Variants in CCDC91 observed in about 807,000 individuals in gnomAD.
CCDC91 encodes the protein coiled-coil domain containing 91, also known as coiled-coil domain-containing protein 91.
A neutral mutation model predicts 63.2 loss-of-function variants in CCDC91; 48 were observed. The observed-to-expected ratio is 0.76, with a 90% CI of 0.60 to 0.97. The LOEUF is 0.97. Ranked by LOEUF, CCDC91 falls within the 50% of genes least tolerant of loss-of-function variation. CCDC91 has a pLI of 0.00. For synonymous variants in CCDC91, 167 were observed against 165.8 expected (o/e 1.01, Z -0.06); for missense variants, 500 against 494.6 (o/e 1.01, Z -0.10).
rs1048088290 is a variant in CCDC91 at position 28,255,709 on chromosome 12, A to G, written c.-14-1493A>G. ...ATGATTATATTCTGGTTAATTTAAT[A>G]CCTTTCCTTTTTACAATATGTTTCT... is the stretch of plus-strand genomic sequence containing the variant. On this transcript the variant is annotated intron_variant, in intron 1 of 12. Coordinates refer to ENST00000536442, the MANE Select transcript of CCDC91 (RefSeq NM_018318.5). 1.9e-4 allele frequency: 29 copies of G among 152,226 alleles called. 1 individual carries two copies. Among genetic ancestry groups the G allele is most frequent in the African/African-American group, 7.0e-4 (29 of 41,556 alleles). 9.4% of individuals were successfully genotyped at this position (152,226 alleles called of 1,614,324 possible). A position where few individuals can be genotyped will look rare whatever the true frequency, so the allele number is the denominator to read the frequency against.
intron 1 of CCDC91, among the ~76,000 whole-genome samples, chr12:28,201,941 T>A (rs1307448646): frequency 6.7e-6 from 1 of 150,088 alleles, no homozygotes; most frequent in Non-Finnish European, 1.5e-5. Flanking sequence ...GGCAGGAGAA[T>A]CAGGCAGGGA....
intron 1 of CCDC91, among the ~76,000 whole-genome samples, chr12:28,222,804 G>A (rs1330034805): frequency 1.3e-5 from 2 of 152,064 alleles, no homozygotes; most frequent in African/African-American, 2.4e-5. Context: ...CGTTGTGTTG[G>A]AACTATATAA....
At chr12:28,222,012 AT>A (rs1943983998) in intron 1 of CCDC91, among the ~76,000 whole-genome samples, 1 of 152,174 alleles carries the variant, frequency 6.6e-6, no homozygotes, top group Non-Finnish European at 1.5e-5. Flanking sequence ...TTTGGGAGTT[AT>A]AACTTTGTTT....
chr12:28,205,369 G>A (rs539717724), intron 1 of CCDC91, among the ~76,000 whole-genome samples: 1 of 152,098 alleles, frequency 6.6e-6, no homozygotes, highest in South Asian at 2.1e-4. Flanking sequence ...AAAATGACAG[G>A]TTATTCATAC....
intron 7 of CCDC91, among the ~76,000 whole-genome samples, chr12:28,373,844 G>C (rs1167149896): frequency 6.6e-6 from 1 of 152,090 alleles, no homozygotes; most frequent in African/African-American, 2.4e-5. Flanking sequence ...GTGATAGTGA[G>C]TGAGTTCTCA....
At chr12:28,321,869 T>G (rs1280438485) in intron 6 of CCDC91, among the ~76,000 whole-genome samples, 1 of 151,850 alleles carries the variant, frequency 6.6e-6, no homozygotes, top group Non-Finnish European at 1.5e-5. Flanking sequence ...GTGTATTGTA[T>G]CATTATATAT....
At chr12:28,340,009 T>C (rs1271822556) in intron 6 of CCDC91, among the ~76,000 whole-genome samples, 1 of 152,222 alleles carries the variant, frequency 6.6e-6, no homozygotes, top group Admixed American at 6.5e-5. Flanking sequence ...ATATTTTGTA[T>C]ATAGTACCAG....
intron 8 of CCDC91, among the ~76,000 whole-genome samples, chr12:28,394,390 T>C (rs999878639): frequency 1.2e-4 from 18 of 151,770 alleles, no homozygotes; most frequent in Non-Finnish European, 2.4e-4. Context: ...GGCGTGAACC[T>C]GGGAGGTGGA....
At chr12:28,346,675 G>A (rs557062120) in intron 6 of CCDC91, among the ~76,000 whole-genome samples, 1 of 152,254 alleles carries the variant, frequency 6.6e-6, no homozygotes, top group Admixed American at 6.5e-5. Context: ...ATGGGAAAAG[G>A]GCATGGAGCT....
chr12:28,418,640 A>G (rs1947821355), intron 8 of CCDC91, among the ~76,000 whole-genome samples: 1 of 152,138 alleles, frequency 6.6e-6, no homozygotes, highest in African/African-American at 2.4e-5. Context: ...GCAGATTAAT[A>G]CTGTAAAATA....
intron 11 of CCDC91, among the ~76,000 whole-genome samples, chr12:28,468,914 A>G (rs1302032363): frequency 1.3e-5 from 2 of 152,176 alleles, no homozygotes; most frequent in East Asian, 3.9e-4. Context: ...CCCTTAAAAA[A>G]CTGGGTATAG....
At chr12:28,546,651 A>G (rs1209466559) in intron 12 of CCDC91, among the ~76,000 whole-genome samples, 2 of 152,100 alleles carry the variant, frequency 1.3e-5, no homozygotes, top group Non-Finnish European at 2.9e-5. Context: ...ATTATGAACA[A>G]TCTTAATGTC....
intron 1 of CCDC91, among the ~76,000 whole-genome samples, chr12:28,246,383 C>T (rs148923457): frequency 1.3e-5 from 2 of 152,192 alleles, no homozygotes; most frequent in East Asian, 3.9e-4. Flanking sequence ...ACACTTTTCT[C>T]TATTATTTGT....
intron 6 of CCDC91, among the ~76,000 whole-genome samples, chr12:28,314,103 G>A (rs185548881): frequency 8.6e-5 from 13 of 151,934 alleles, no homozygotes; most frequent in Admixed American, 7.9e-4. Flanking sequence ...TTAAAGACTG[G>A]ACTTAATTCT....
intron 1 of CCDC91, among the ~76,000 whole-genome samples, chr12:28,205,352 G>GT (rs879260314): frequency 2.0e-5 from 3 of 151,502 alleles, no homozygotes; most frequent in Admixed American, 2.0e-4. Flanking sequence ...AAGTACAGAG[G>GT]TAAAAAAAAA....
chr12:28,199,496 A>G (rs2121407231), intron 1 of CCDC91, among the ~76,000 whole-genome samples: 1 of 152,248 alleles, frequency 6.6e-6, no homozygotes, highest in African/African-American at 2.4e-5. Flanking sequence ...ACATACATTT[A>G]TATTTTCTTT....
At chr12:28,506,917 A>G (rs1256602721) in intron 12 of CCDC91, among the ~76,000 whole-genome samples, 1 of 151,934 alleles carries the variant, frequency 6.6e-6, no homozygotes, top group Admixed American at 6.6e-5. Context: ...AGATAGATCA[A>G]ATCTACCAGT....
At chr12:28,296,772 AT>A (rs568042995) in intron 3 of CCDC91, among the ~76,000 whole-genome samples, 1 of 151,738 alleles carries the variant, frequency 6.6e-6, no homozygotes, top group African/African-American at 2.4e-5. Context: ...TTAGTTTCAA[AT>A]TTTTTTTAGT....
chr12:28,382,797 G>A (rs1324767298), intron 7 of CCDC91, among the ~76,000 whole-genome samples: 3 of 152,038 alleles, frequency 2.0e-5, no homozygotes, highest in East Asian at 1.9e-4. Context: ...GGCCTTTACT[G>A]TATTAATAAC....
Sources: allele counts gnomAD v4.1 joint callset (sites outside exome capture counted in the v4.1 genomes callset), GRCh38; gene constraint gnomAD v4.1.1; transcripts MANE v1.5; gene names NCBI Gene and HGNC (gene_info 2026-07-23, HGNC 2026-07-21).